The following NTRK2 variants were observed in gnomAD, a reference collection of about 807,000 sequenced individuals.
NTRK2 encodes the protein BDNF/NT-3 growth factors receptor.
In NTRK2, 13 loss-of-function variants were observed where a neutral mutation model predicts 94.5. The observed-to-expected ratio is 0.14, with a 90% CI of 0.09 to 0.22. The LOEUF is 0.22. Among genes scored for constraint, NTRK2 ranks in the 10% least tolerant of loss-of-function variants. The probability of loss-of-function intolerance (pLI) is 1.00; values close to 1 mark genes in which losing one functional copy is unlikely to be tolerated. For synonymous variants in NTRK2, 372 were observed against 407.4 expected (o/e 0.91, Z 1.05); for missense variants, 639 against 1,071.2 (o/e 0.60, Z 5.63).
chr9:84,894,411 C>T (rs779397459), intron 14 of NTRK2, among the ~76,000 whole-genome samples: 4 of 152,176 alleles, frequency 2.6e-5, no homozygotes, highest in Non-Finnish European at 5.9e-5. Context: ...AGTTGAGCGA[C>T]TCCTTTGACT....
At chr9:84,886,405 G>A (rs1209380641) in intron 14 of NTRK2, among the ~76,000 whole-genome samples, 1 of 152,188 alleles carries the variant, frequency 6.6e-6, no homozygotes, top group Non-Finnish European at 1.5e-5. Flanking sequence ...AACATTTGAT[G>A]GTTTGGAGAA....
intron 17 of NTRK2, among the ~76,000 whole-genome samples, chr9:84,963,782 G>T (rs1825232643): frequency 6.6e-6 from 1 of 152,056 alleles, no homozygotes; most frequent in Admixed American, 6.6e-5. Context: ...CCATGTTTTT[G>T]AATTCTGTTT....
chr9:84,870,915 A>T (rs1237291250), intron 14 of NTRK2, among the ~76,000 whole-genome samples: 1 of 152,194 alleles, frequency 6.6e-6, no homozygotes, highest in Non-Finnish European at 1.5e-5. Context: ...TCTTACGAAG[A>T]TCGCTGAATT....
At chr9:84,985,322 T>C (rs551288145) in intron 17 of NTRK2, among the ~76,000 whole-genome samples, 72 of 152,326 alleles carry the variant, frequency 4.7e-4, no homozygotes, top group African/African-American at 1.7e-3. Context: ...GTGACTAACA[T>C]TTATTGAGCC....
intron 14 of NTRK2, among the ~76,000 whole-genome samples, chr9:84,885,519 T>A (rs2076386998): frequency 6.6e-6 from 1 of 152,196 alleles, no homozygotes; most frequent in African/African-American, 2.4e-5. Context: ...TATCTTTTTT[T>A]TTTCTTTTAA....
intron 14 of NTRK2, chr9:84,875,115 G>T: frequency 9.4e-7 from 1 of 1,060,512 alleles, no homozygotes; most frequent in Non-Finnish European, 1.1e-6. Context: ...TTCTAGTCTT[G>T]TGGATATCCT....
At chr9:84,961,313 T>G (rs1824899193) in intron 17 of NTRK2, among the ~76,000 whole-genome samples, 1 of 152,230 alleles carries the variant, frequency 6.6e-6, no homozygotes. Context: ...AGCTTTCACA[T>G]GAACAATTAT....
intron 12 of NTRK2, among the ~76,000 whole-genome samples, chr9:84,801,884 T>C (rs1166825272): frequency 6.6e-6 from 1 of 152,236 alleles, no homozygotes; most frequent in African/African-American, 2.4e-5. Flanking sequence ...TATACCCATG[T>C]AATTACACTG....
chr9:84,873,171 A>G (rs1450335715), intron 14 of NTRK2: 1 of 1,063,392 alleles, frequency 9.4e-7, no homozygotes, highest in Admixed American at 5.4e-5. Flanking sequence ...ACGGGTAGAA[A>G]CAATTGCTTT....
chr9:85,010,544 A>G (rs960056259), intron 17 of NTRK2, among the ~76,000 whole-genome samples: 2 of 152,236 alleles, frequency 1.3e-5, no homozygotes, highest in Non-Finnish European at 2.9e-5. Flanking sequence ...ATGTGTAAAC[A>G]CAATAACCTC....
chr9:84,671,167 T>C (rs577996395), intron 2 of NTRK2, among the ~76,000 whole-genome samples: 41 of 152,316 alleles, frequency 2.7e-4, no homozygotes, highest in Non-Finnish European at 4.7e-4. Flanking sequence ...TTAGAATAAG[T>C]TTCAAATATA....
intron 12 of NTRK2, among the ~76,000 whole-genome samples, chr9:84,853,061 C>G (rs1380364558): frequency 1.3e-5 from 2 of 151,894 alleles, no homozygotes; most frequent in East Asian, 1.9e-4. Flanking sequence ...CCCAAAGCCT[C>G]TGAGTATTAT....
At chr9:85,009,669 A>G (rs1244795027) in intron 17 of NTRK2, among the ~76,000 whole-genome samples, 1 of 152,312 alleles carries the variant, frequency 6.6e-6, no homozygotes, top group African/African-American at 2.4e-5. Flanking sequence ...TTGTTATATT[A>G]TTTCTTAACT....
chr9:84,917,829 G>A (rs578190243), intron 14 of NTRK2, among the ~76,000 whole-genome samples: 11 of 152,208 alleles, frequency 7.2e-5, no homozygotes, highest in Non-Finnish European at 1.2e-4. Context: ...GCGCCAGAGA[G>A]AGAAAAATCC....
At chr9:84,859,422 ATTCATTCCTTTTGAATGAGTAAT>A (rs1198209332) in intron 12 of NTRK2, among the ~76,000 whole-genome samples, 1 of 152,242 alleles carries the variant, frequency 6.6e-6, no homozygotes, top group East Asian at 1.9e-4. Context: ...CCTTCACAAT[ATTCATTCCTTTTGAATGAGTAAT>A]TCAATTTCTA....
At chr9:84,838,906 T>C (rs970255624) in intron 12 of NTRK2, among the ~76,000 whole-genome samples, 7 of 152,162 alleles carry the variant, frequency 4.6e-5, no homozygotes, top group African/African-American at 1.7e-4. Context: ...ATGATTTTTT[T>C]TTTTTACAAT....
At chr9:84,673,832 A>G (rs1454332912) in intron 2 of NTRK2, among the ~76,000 whole-genome samples, 12 of 152,238 alleles carry the variant, frequency 7.9e-5, no homozygotes, top group African/African-American at 2.9e-4. Flanking sequence ...AACTAGATCA[A>G]TATCTATCTA....
At chr9:84,788,945 G>T (rs1564278770) in intron 12 of NTRK2, among the ~76,000 whole-genome samples, 1 of 152,194 alleles carries the variant, frequency 6.6e-6, no homozygotes, top group Admixed American at 6.5e-5. Context: ...CTCTACTTTG[G>T]CTCTGCTGCG....
intron 16 of NTRK2, among the ~76,000 whole-genome samples, chr9:84,949,533 T>C (rs971641451): frequency 6.6e-6 from 1 of 152,078 alleles, no homozygotes; most frequent in Non-Finnish European, 1.5e-5. Context: ...AGTTATGTGG[T>C]CTTGGCTCAC....
Sources: gnomAD v4.1 joint callset for allele counts (sites outside exome capture counted in the v4.1 genomes callset) on GRCh38, gnomAD v4.1.1 for gene constraint, MANE v1.5 for transcripts, NCBI Gene and HGNC (gene_info 2026-07-23, HGNC 2026-07-21) for gene names.